The following ANKFN1 variants were observed in gnomAD, a reference collection of about 807,000 sequenced individuals.
ANKFN1 encodes ankyrin repeat and fibronectin type III domain containing 1, also known as ankyrin repeat and fibronectin type-III domain-containing protein 1.
Under a neutral mutation model 108.7 loss-of-function variants are expected in ANKFN1, and 74 were observed. The observed-to-expected ratio is 0.68, with a 90% confidence interval of 0.56 to 0.83. The LOEUF is 0.83. ANKFN1 is among the 40% of genes least tolerant of loss of function. The pLI is 0.00. For missense variants in ANKFN1, 1,505 were observed against 1,382.3 expected, an observed-to-expected ratio of 1.09 and a Z score of -1.41; for synonymous variants, 547 against 516.2, an observed-to-expected ratio of 1.06 and a Z score of -0.81.
intron 4 of ANKFN1, among the ~76,000 whole-genome samples, 181 bp downstream of exon 4, chr17:56,326,536 G>A (rs1484181121): frequency 6.6e-6 from 1 of 152,216 alleles, no homozygotes; most frequent in East Asian, 1.9e-4. Context: ...ACAGTGGTCT[G>A]CAATTGTACA....
chr17:56,215,788 T>C (rs1915381429), intron 2 of ANKFN1: 1 of 152,318 alleles, frequency 6.6e-6, no homozygotes, highest in African/African-American at 2.4e-5. Flanking sequence ...TTTCATTTTT[T>C]CACAGAGCCC....
chr17:56,293,991 G>T (rs548459374), intron 3 of ANKFN1, among the ~76,000 whole-genome samples: 5 of 152,106 alleles, frequency 3.3e-5, no homozygotes, highest in Admixed American at 1.3e-4. Flanking sequence ...GATTCTCTCC[G>T]CAAAGGAGGA....
intron 1 of ANKFN1, among the ~76,000 whole-genome samples, chr17:56,180,633 C>T (rs1911601703): frequency 1.3e-5 from 2 of 152,192 alleles, no homozygotes; most frequent in African/African-American, 4.8e-5. Context: ...TATTAACTCT[C>T]CTACAGGCAA....
At chr17:56,309,404 T>G (rs1248794663) in intron 3 of ANKFN1, among the ~76,000 whole-genome samples, 2 of 152,212 alleles carry the variant, frequency 1.3e-5, no homozygotes, top group African/African-American at 4.8e-5. Flanking sequence ...CATCTCCACT[T>G]AATTCCTGAT....
intron 8 of ANKFN1, among the ~76,000 whole-genome samples, chr17:56,427,356 AAC>A (rs2048601890): frequency 6.6e-6 from 1 of 152,172 alleles, no homozygotes; most frequent in Admixed American, 6.5e-5. Context: ...CCATAACATG[AAC>A]CAGGCTCCAG....
At chr17:56,413,729 T>C (rs1035918166) in intron 8 of ANKFN1, among the ~76,000 whole-genome samples, 1 of 152,188 alleles carries the variant, frequency 6.6e-6, no homozygotes, top group African/African-American at 2.4e-5. Context: ...TCACTTTTTT[T>C]TTTCTTTTGA....
intron 3 of ANKFN1, among the ~76,000 whole-genome samples, chr17:56,258,815 G>A (rs2043427039): frequency 6.6e-6 from 1 of 152,164 alleles, no homozygotes; most frequent in Non-Finnish European, 1.5e-5. Context: ...GGAGGCTGAG[G>A]CAGGAGAATG....
intron 8 of ANKFN1, among the ~76,000 whole-genome samples, chr17:56,392,272 T>C (rs2047463305): frequency 6.6e-6 from 1 of 152,144 alleles, no homozygotes; most frequent in African/African-American, 2.4e-5. Context: ...GGCCCATCAG[T>C]AACCACCAGC....
chr17:56,334,420 T>C (rs2144584563), intron 4 of ANKFN1, among the ~76,000 whole-genome samples: 1 of 152,262 alleles, frequency 6.6e-6, no homozygotes, highest in African/African-American at 2.4e-5. Context: ...AATGGTTTCA[T>C]GAGTGAACAC....
At chr17:56,276,581 T>C (rs1322409533) in intron 3 of ANKFN1, among the ~76,000 whole-genome samples, 1 of 152,200 alleles carries the variant, frequency 6.6e-6, no homozygotes, top group Admixed American at 6.5e-5. Context: ...GTGGTTTTGA[T>C]TTGCATTTCT....
chr17:56,168,635 G>A (rs777192334), intron 1 of ANKFN1, among the ~76,000 whole-genome samples: 2 of 152,162 alleles, frequency 1.3e-5, no homozygotes, highest in Non-Finnish European at 1.5e-5. Flanking sequence ...GATAGACATC[G>A]TAAGCTCTTA....
intron 6 of ANKFN1, among the ~76,000 whole-genome samples, chr17:56,367,584 T>A (rs1213682506): frequency 6.6e-6 from 1 of 152,164 alleles, no homozygotes; most frequent in Non-Finnish European, 1.5e-5. Context: ...CACTGAGTGG[T>A]CTTGCCCCTG....
intron 1 of ANKFN1, among the ~76,000 whole-genome samples, chr17:56,198,672 A>AT (rs1209544333): frequency 2.0e-5 from 3 of 152,100 alleles, no homozygotes; most frequent in Non-Finnish European, 4.4e-5. Context: ...AAAAATTACC[A>AT]TTTTTTCTCC....
chr17:56,409,872 G>T (rs1048485268), intron 8 of ANKFN1, among the ~76,000 whole-genome samples: 2 of 90,322 alleles, frequency 2.2e-5, no homozygotes, highest in African/African-American at 4.1e-5. Context: ...CCTTGAACAA[G>T]TTACTTAACC....
At chr17:56,296,202 G>T (rs2044505227) in intron 3 of ANKFN1, among the ~76,000 whole-genome samples, 1 of 152,028 alleles carries the variant, frequency 6.6e-6, no homozygotes, top group Non-Finnish European at 1.5e-5. Flanking sequence ...AGGTGAGGGG[G>T]CAGGGTGTGA....
intron 3 of ANKFN1, among the ~76,000 whole-genome samples, chr17:56,280,332 A>G (rs575474907): frequency 4.2e-4 from 64 of 152,294 alleles, no homozygotes; most frequent in African/African-American, 1.5e-3. Context: ...GAGAACCCAT[A>G]GAATAAAAAG....
At chr17:56,208,787 C>T (rs914713224) in intron 1 of ANKFN1, among the ~76,000 whole-genome samples, 1 of 152,194 alleles carries the variant, frequency 6.6e-6, no homozygotes, top group Non-Finnish European at 1.5e-5. Flanking sequence ...TAGTCCCCCA[C>T]ATCTGGACAA....
chr17:56,479,953 A>G (rs2050637844), intron 16 of ANKFN1, among the ~76,000 whole-genome samples: 1 of 152,218 alleles, frequency 6.6e-6, no homozygotes, highest in African/African-American at 2.4e-5. Flanking sequence ...GCTCCTTTTG[A>G]AGAGCAGCCT....
intron 8 of ANKFN1, among the ~76,000 whole-genome samples, chr17:56,389,491 G>A (rs1370048077): frequency 6.6e-6 from 1 of 152,208 alleles, no homozygotes; most frequent in Non-Finnish European, 1.5e-5. Flanking sequence ...AAAAGGGATA[G>A]GTAGGCATGT....
Sources: allele counts gnomAD v4.1 joint callset (sites outside exome capture counted in the v4.1 genomes callset), GRCh38; gene constraint gnomAD v4.1.1; transcripts MANE v1.5; gene names NCBI Gene and HGNC (gene_info 2026-07-23, HGNC 2026-07-21).